The following SNAP25 variants were observed in gnomAD, a reference collection of about 807,000 sequenced individuals.
SNAP25 encodes synaptosomal-associated protein 25.
Under a neutral mutation model 28.7 loss-of-function variants are expected in SNAP25, and 3 were observed. The observed-to-expected ratio is 0.10, with a 90% CI of 0.05 to 0.27. The LOEUF is 0.27. SNAP25 is among the 10% of genes least tolerant of loss of function. The pLI is 1.00. For synonymous variants in SNAP25, 61 were observed against 88.1 expected (o/e 0.69, Z 1.72); for missense variants, 117 against 278.7 (o/e 0.42, Z 4.13).
chr20:10,231,931 T>A (rs1201814881), intron 1 of SNAP25, among the ~76,000 whole-genome samples: 9 of 152,198 alleles, frequency 5.9e-5, no homozygotes, highest in Admixed American at 5.9e-4. Flanking sequence ...TCTCTTTGGA[T>A]TTTTCATATT....
intron 1 of SNAP25, among the ~76,000 whole-genome samples, chr20:10,239,661 C>T (rs1199813329): frequency 6.6e-6 from 1 of 152,192 alleles, no homozygotes; most frequent in East Asian, 1.9e-4. Flanking sequence ...AACATTTCCA[C>T]TTACAAATGG....
At chr20:10,227,631 A>G (rs1157571217) in intron 1 of SNAP25, among the ~76,000 whole-genome samples, 2 of 152,144 alleles carry the variant, frequency 1.3e-5, no homozygotes, top group East Asian at 3.8e-4. Context: ...TTTATCACTT[A>G]TGAGTCAGGA....
At chr20:10,224,684 G>C (rs1346276704) in intron 1 of SNAP25, among the ~76,000 whole-genome samples, 1 of 151,776 alleles carries the variant, frequency 6.6e-6, no homozygotes, top group African/African-American at 2.4e-5. Context: ...CCTCAGAATT[G>C]CTTGCCTTCA....
At chr20:10,291,854 A>G (rs2064005783) in intron 4 of SNAP25, among the ~76,000 whole-genome samples, 2 of 152,252 alleles carry the variant, frequency 1.3e-5, no homozygotes, top group South Asian at 4.1e-4. Flanking sequence ...GAAGACATCC[A>G]TTGCTGCCTT....
chr20:10,303,028 G>A (rs970097045), intron 7 of SNAP25, among the ~76,000 whole-genome samples: 3 of 151,936 alleles, frequency 2.0e-5, no homozygotes, highest in African/African-American at 7.3e-5. Context: ...TTGTACAGGA[G>A]ATCCTAGAAT....
Position 10,286,984 on chromosome 20 carries a change from T to TA in SNAP25, c.163+2220dup, listed in dbSNP as rs566487361. Among the ~76,000 whole-genome samples the TA allele has an allele frequency of 2.1e-3, 324 of 152,036 alleles. 1 individual carries two copies. The highest frequency in any genetic ancestry group is 6.3e-3 in the African/African-American group (262 of 41,468). On this transcript the variant is annotated intron_variant, in intron 4 of 7. Coordinates refer to ENST00000254976, the MANE Select transcript of SNAP25 (RefSeq NM_130811.4). ...TGAGGATGCAGCAAGTCATTGCTTT[T>TA]AAAAAAAATAACTAAACAACAGGTG... is the stretch of plus-strand genomic sequence containing the variant.
At chr20:10,301,453 C>T (rs1568630899) in intron 7 of SNAP25, among the ~76,000 whole-genome samples, 1 of 152,080 alleles carries the variant, frequency 6.6e-6, no homozygotes, top group East Asian at 1.9e-4. Context: ...TAAATAGAGC[C>T]CACTTCAACC....
intron 5 of SNAP25, among the ~76,000 whole-genome samples, chr20:10,294,369 G>A (rs533946722): frequency 1.3e-5 from 2 of 152,172 alleles, no homozygotes; most frequent in East Asian, 3.9e-4. Context: ...AAAAAATTCT[G>A]CTTTTTAAAG....
chr20:10,234,762 T>G (rs916139161), intron 1 of SNAP25, among the ~76,000 whole-genome samples: 1 of 152,230 alleles, frequency 6.6e-6, no homozygotes, highest in Non-Finnish European at 1.5e-5. Flanking sequence ...ACTATGGCTT[T>G]TGATCTGAGT....
At chr20:10,230,528 T>G (rs1034017681) in intron 1 of SNAP25, among the ~76,000 whole-genome samples, 2 of 152,152 alleles carry the variant, frequency 1.3e-5, no homozygotes, top group African/African-American at 2.4e-5. Context: ...GGATTTTGTT[T>G]GAAATGCAAT....
intron 4 of SNAP25, among the ~76,000 whole-genome samples, chr20:10,287,892 A>G (rs1048020204): frequency 2.6e-4 from 39 of 152,198 alleles, no homozygotes; most frequent in Non-Finnish European, 7.3e-5. Flanking sequence ...CATCATTCTC[A>G]GTAAACTATT....
chr20:10,297,598 G>A (rs1467919067), intron 6 of SNAP25, among the ~76,000 whole-genome samples: 1 of 152,200 alleles, frequency 6.6e-6, no homozygotes, highest in Non-Finnish European at 1.5e-5. Flanking sequence ...ATAGTCCTGG[G>A]GGACAGGAGA....
chr20:10,273,539 C>T (rs1330453952), intron 1 of SNAP25, among the ~76,000 whole-genome samples: 1 of 152,230 alleles, frequency 6.6e-6, no homozygotes, highest in African/African-American at 2.4e-5. Flanking sequence ...CTCATGGTCT[C>T]ATGGCTTAAC....
At chr20:10,254,566 G>C (rs573022731) in intron 1 of SNAP25, among the ~76,000 whole-genome samples, 22 of 152,304 alleles carry the variant, frequency 1.4e-4, no homozygotes, top group Non-Finnish European at 2.6e-4. Flanking sequence ...CTCTCTGCAA[G>C]TAGCTTATGG....
intron 6 of SNAP25, among the ~76,000 whole-genome samples, chr20:10,297,486 T>C (rs957056885): frequency 6.6e-6 from 1 of 152,178 alleles, no homozygotes; most frequent in African/African-American, 2.4e-5. Context: ...TTTAATTGAA[T>C]AGAGCTTATA....
chr20:10,253,014 G>A (rs2063258765), intron 1 of SNAP25, among the ~76,000 whole-genome samples: 1 of 152,122 alleles, frequency 6.6e-6, no homozygotes, highest in Non-Finnish European at 1.5e-5. Flanking sequence ...ACAGCACCTG[G>A]TACATCTTAA....
intron 2 of SNAP25, 98 bp from the exon 3 acceptor site, chr20:10,277,587 C>A (rs2123018279): frequency 1.0e-6 from 1 of 999,284 alleles, no homozygotes; most frequent in South Asian, 1.4e-5. Flanking sequence ...TGACAGAGAC[C>A]CTTTGTGTTT....
At chr20:10,253,970 G>C (rs2063275352) in intron 1 of SNAP25, among the ~76,000 whole-genome samples, 1 of 152,116 alleles carries the variant, frequency 6.6e-6, no homozygotes, top group South Asian at 2.1e-4. Context: ...CTCCCACAGA[G>C]CCCACAGATG....
At chr20:10,239,127 T>A (rs770759454) in intron 1 of SNAP25, among the ~76,000 whole-genome samples, 5 of 152,174 alleles carry the variant, frequency 3.3e-5, no homozygotes, top group Non-Finnish European at 5.9e-5. Context: ...TGGTTCCAAA[T>A]GGAGCATTTA....
Sources: allele counts gnomAD v4.1 joint callset (sites outside exome capture counted in the v4.1 genomes callset), GRCh38; gene constraint gnomAD v4.1.1; transcripts MANE v1.5; gene names NCBI Gene and HGNC (gene_info 2026-07-23, HGNC 2026-07-21).